ADAMTS7: variants seen among roughly 807,000 people sequenced by gnomAD.
ADAMTS7 encodes the protein ADAM metallopeptidase with thrombospondin type 1 motif 7.
In ADAMTS7, 89 loss-of-function variants were observed where a neutral mutation model predicts 172.6. The observed-to-expected ratio is 0.52, with a 90% CI of 0.43 to 0.61. The LOEUF (loss-of-function observed/expected upper bound fraction) is 0.61, where lower values mean the gene tolerates loss of function less well. Ranked by LOEUF, ADAMTS7 falls within the 20% of genes least tolerant of loss-of-function variation. ADAMTS7 has a pLI of 0.00. For missense variants in ADAMTS7, 1,973 were observed against 2,355.6 expected (o/e 0.84, Z 3.36); for synonymous variants, 885 against 978.4 (o/e 0.90, Z 1.78).
intron 7 of ADAMTS7, among the ~76,000 whole-genome samples, chr15:78,789,364 G>A (rs2055548024): frequency 6.6e-6 from 1 of 152,232 alleles, no homozygotes; most frequent in African/African-American, 2.4e-5. Context: ...GGGATCGAGA[G>A]TAAAAAATAC....
At chr15:78,804,956 T>C (rs1023091571) in intron 1 of ADAMTS7, among the ~76,000 whole-genome samples, 3 of 152,238 alleles carry the variant, frequency 2.0e-5, no homozygotes, top group African/African-American at 7.2e-5. Context: ...TCAGGAAAGT[T>C]AGGAAATCCC....
intron 14 of ADAMTS7, among the ~76,000 whole-genome samples, chr15:78,772,712 C>T (rs2055271053): frequency 6.6e-6 from 1 of 152,264 alleles, no homozygotes; most frequent in African/African-American, 2.4e-5. Flanking sequence ...CCTGCATGTC[C>T]CCATCACCTA....
intron 3 of ADAMTS7, 57 bp from the exon 4 acceptor site, chr15:78,796,843 C>T: frequency 6.9e-7 from 1 of 1,453,208 alleles, no homozygotes; most frequent in East Asian, 2.4e-5. Flanking sequence ...GGGCACACGT[C>T]TCCAGGGCCT....
At chr15:78,806,152 A>AAAAAC (rs2055794229) in intron 1 of ADAMTS7, among the ~76,000 whole-genome samples, 2 of 115,028 alleles carry the variant, frequency 1.7e-5, no homozygotes, top group African/African-American at 1.0e-4. Context: ...AAAAAAAAAA[A>AAAAAC]AAACAGAAAA....
chr15:78,766,770 C>A lies in ADAMTS7; in HGVS notation c.3141G>T (p.Glu1047Asp), dbSNP rs1342277800. 1 of 1,610,600 alleles carries A rather than the reference C, an allele frequency of 6.2e-7. No individual in the cohort carries two copies. The highest frequency in any genetic ancestry group is 1.3e-5 in the African/African-American group (1 of 74,994). Residue 1047 changes from glutamate to aspartate, a missense_variant, in exon 19 of 24, where the codon GAG becomes GAT. Glu to Asp is a conservative substitution (Grantham distance 45). Coordinates refer to ENST00000388820, the MANE Select transcript of ADAMTS7 (RefSeq NM_014272.5). ...CCGGCAGGTCCAGCTCTGGAGCCTCCTCCTCAATGGCGTTGCCCATGGTGC... is the reference window on the plus strand; with the variant it reads ...CCGGCAGGTCCAGCTCTGGAGCCTCATCCTCAATGGCGTTGCCCATGGTGC... ...KPGTMGNAIEEEAPELDLPGP... is the reference protein window; with the variant it reads ...KPGTMGNAIEDEAPELDLPGP...
intron 8 of ADAMTS7, among the ~76,000 whole-genome samples, chr15:78,779,822 G>A (rs1224701590): frequency 1.3e-5 from 2 of 151,882 alleles, no homozygotes; most frequent in East Asian, 3.9e-4. Flanking sequence ...TCTGCTTCCT[G>A]GCTGCCCCAG....
intron 8 of ADAMTS7, among the ~76,000 whole-genome samples, chr15:78,787,439 G>A (rs909662706): frequency 1.1e-4 from 16 of 151,630 alleles, no homozygotes; most frequent in Admixed American, 2.0e-4. Flanking sequence ...AAAGGTGGGC[G>A]GATCACCTGA....
intron 23 of ADAMTS7, among the ~76,000 whole-genome samples, chr15:78,760,403 G>A (rs2055024323): frequency 6.6e-6 from 1 of 152,162 alleles, no homozygotes; most frequent in African/African-American, 2.4e-5. Context: ...TGGGGAGGAG[G>A]AGCAGGAAGG....
chr15:78,803,234 C>A (rs1447294980), intron 1 of ADAMTS7, among the ~76,000 whole-genome samples: 1 of 151,770 alleles, frequency 6.6e-6, no homozygotes. Context: ...GTGGTGCACA[C>A]CTATAGTCCC....
At position 78,780,864 on chromosome 15, in the gene ADAMTS7, C is replaced by T. The variant is rs550314634; in HGVS notation, c.1323-3276G>A. ...CAGGAGGGCTTGGTGGCCCTCTCCC[C>T]ATTCCTACAGACCCACGAGGACTGC... On this transcript the variant is annotated intron_variant, in intron 8 of 23. Coordinates refer to ENST00000388820, the MANE Select transcript of ADAMTS7 (RefSeq NM_014272.5). Among the ~76,000 whole-genome samples the T allele has an allele frequency of 1.5e-3, 232 of 152,332 alleles. 1 individual carries two copies. The highest frequency in any genetic ancestry group is 5.4e-3 in the African/African-American group (223 of 41,574).
At chr15:78,790,185 G>C (rs1300094796) in intron 6 of ADAMTS7, among the ~76,000 whole-genome samples, 2 of 152,206 alleles carry the variant, frequency 1.3e-5, no homozygotes, top group African/African-American at 4.8e-5. Flanking sequence ...GAAGGTGGCT[G>C]TGACTATAAA....
Position 78,800,732 on chromosome 15 carries a change from A to G in ADAMTS7, c.101-185T>C, listed in dbSNP as rs571042308. Among the ~76,000 whole-genome samples, 6 of 152,204 alleles carry G rather than the reference A, an allele frequency of 3.9e-5. No individual in the cohort carries two copies. The East Asian group carries it at 1.2e-3, about 29-fold the overall frequency. ...TCCGTGCCTCAGTTTCTCCATCTGG[A>G]TCGTTGCAGTAACTTCTTTTGTTGT... On this transcript the variant is annotated intron_variant, in intron 1 of 23. Transcript: ENST00000388820.
chr15:78,790,293 TAC>T (rs199767572), intron 6 of ADAMTS7, among the ~76,000 whole-genome samples: 14 of 151,490 alleles, frequency 9.2e-5, no homozygotes, highest in African/African-American at 3.1e-4. Context: ...AAGAACTGAA[TAC>T]ACACACACAC....
At chr15:78,767,279 T>C in intron 18 of ADAMTS7, 100 bp downstream of exon 18, 1 of 1,445,888 alleles carries the variant, frequency 6.9e-7, no homozygotes, top group Non-Finnish European at 9.5e-7. Context: ...ATGCCCAGGT[T>C]CCCTCCCACC....
At chr15:78,762,152 C>T (rs1567199229) in intron 23 of ADAMTS7, 1 of 899,784 alleles carries the variant, frequency 1.1e-6, no homozygotes, top group Non-Finnish European at 1.3e-6. Context: ...TCCCTCTACT[C>T]CCCCAAGGTC....
intron 7 of ADAMTS7, among the ~76,000 whole-genome samples, chr15:78,788,728 T>C (rs2055539942): frequency 6.6e-6 from 1 of 152,226 alleles, no homozygotes; most frequent in Non-Finnish European, 1.5e-5. Flanking sequence ...TCAAGAACAG[T>C]CTGACAGCGG....
intron 7 of ADAMTS7, among the ~76,000 whole-genome samples, chr15:78,789,463 G>A (rs936544929): frequency 6.6e-6 from 1 of 152,240 alleles, no homozygotes; most frequent in Non-Finnish European, 1.5e-5. Context: ...ACTCCCTCCA[G>A]GCCAGTCCTA....
At chr15:78,796,967 C>A (rs2055654074) in intron 3 of ADAMTS7, among the ~76,000 whole-genome samples, 181 bp from the exon 4 acceptor site, 1 of 152,228 alleles carries the variant, frequency 6.6e-6, no homozygotes, top group Admixed American at 6.5e-5. Flanking sequence ...TCTGCCTGGT[C>A]ACTTTCCTTT....
rs571867920 is a variant in ADAMTS7, at chr15:78,776,586, C to T, written c.1560+163G>A. 38 of 865,394 alleles carry T rather than the reference C, an allele frequency of 4.4e-5. No homozygotes were observed. In the East Asian group the frequency reaches 7.8e-4, roughly 18 times the overall value. The allele number at this position is 865,394 out of a possible 1,614,324, so 53.6% of individuals were successfully genotyped here. ...GGGAATCATGGAATCAAGCCCTGGC[C>T]CCAATGCCTCCACTTTGCAGATGGG... On this transcript the variant is annotated intron_variant, in intron 10 of 23. Coordinates refer to ENST00000388820, the MANE Select transcript of ADAMTS7 (RefSeq NM_014272.5).
Sources: gnomAD v4.1 joint callset for allele counts (sites outside exome capture counted in the v4.1 genomes callset) on GRCh38, gnomAD v4.1.1 for gene constraint, MANE v1.5 for transcripts, NCBI Gene and HGNC (gene_info 2026-07-23, HGNC 2026-07-21) for gene names.